BRCA1: variants seen among roughly 807,000 people sequenced by gnomAD.
BRCA1 encodes the protein BRCA1 DNA repair associated.
BRCA1 carries 140 observed loss-of-function variants against 173.7 expected under a neutral mutation model. The observed-to-expected ratio is 0.81, with a 90% confidence interval of 0.70 to 0.93. The LOEUF (loss-of-function observed/expected upper bound fraction) is 0.93. Among genes scored for constraint, BRCA1 ranks in the 40% least tolerant of loss-of-function variants. BRCA1 has a pLI of 0.00. For missense variants in BRCA1, 1,983 were observed against 2,172.5 expected (o/e 0.91, Z 1.73); for synonymous variants, 662 against 756.0 (o/e 0.88, Z 2.04).
intron 1 of BRCA1, chr17:43,148,751 A>G (rs1337235564): frequency 6.0e-6 from 1 of 165,970 alleles, no homozygotes; most frequent in East Asian, 1.9e-4. Flanking sequence ...ATTCTTTTTT[A>G]TCTTCCTCTG....
chr17:43,073,017 G>A (rs1470413086), intron 14 of BRCA1, among the ~76,000 whole-genome samples: 1 of 151,630 alleles, frequency 6.6e-6, no homozygotes, highest in Non-Finnish European at 1.5e-5. Flanking sequence ...GCTGTAATCT[G>A]TCCTTATTTT....
chr17:43,047,266 C>G (rs2050953901), intron 22 of BRCA1, among the ~76,000 whole-genome samples: 1 of 151,934 alleles, frequency 6.6e-6, no homozygotes. Flanking sequence ...CACCCAGCTA[C>G]TTTTTAAATT....
chr17:43,162,689 C>T (rs2056243834), intron 1 of BRCA1: 1 of 152,154 alleles, frequency 6.6e-6, no homozygotes, highest in Non-Finnish European at 1.5e-5. Context: ...CAGTTGAAGT[C>T]CTTACTGTAA....
intron 1 of BRCA1, chr17:43,132,995 A>ATCCCCTGACATCGTG (rs1306610203): frequency 3.3e-5 from 5 of 151,836 alleles, no homozygotes; most frequent in African/African-American, 9.7e-5. Flanking sequence ...GATGGTCTCG[A>ATCCCCTGACATCGTG]TCCCCTGACA....
intron 1 of BRCA1, chr17:43,131,275 AGTATATTATG>A: frequency 2.4e-6 from 1 of 419,376 alleles, no homozygotes; most frequent in Non-Finnish European, 5.0e-6. Context: ...GAAGAGGTAA[AGTATATTATG>A]GTACTTATTG....
At chr17:43,134,502 G>T (rs2154581363) in intron 1 of BRCA1, among the ~76,000 whole-genome samples, 1 of 152,292 alleles carries the variant, frequency 6.6e-6, no homozygotes, top group Admixed American at 6.5e-5. Flanking sequence ...TGGAGGACAG[G>T]GAATGCTTGT....
At chr17:43,091,212 C>T in intron 10 of BRCA1, 180 bp from the exon 11 acceptor site, 1 of 854,270 alleles carries the variant, frequency 1.2e-6, no homozygotes, top group Non-Finnish European at 1.9e-6. Flanking sequence ...AGTAAGTCCA[C>T]CAGTAATTAG....
chr17:43,076,388 C>T, intron 13 of BRCA1, 100 bp downstream of exon 13: 1 of 1,455,620 alleles, frequency 6.9e-7, no homozygotes, highest in Non-Finnish European at 9.5e-7. Context: ...TGCCTGTATG[C>T]AAAAAACTGG....
At chr17:43,143,184 G>A (rs1277096352) in intron 1 of BRCA1, among the ~76,000 whole-genome samples, 1 of 149,516 alleles carries the variant, frequency 6.7e-6, no homozygotes, top group African/African-American at 2.5e-5. Context: ...CAGGTGATCC[G>A]CCTGCCTTGG....
chr17:43,169,450 A>C (rs1160249550), intron 1 of BRCA1, among the ~76,000 whole-genome samples: 1 of 152,150 alleles, frequency 6.6e-6, no homozygotes, highest in Non-Finnish European at 1.5e-5. Flanking sequence ...TACAGGCGTA[A>C]GCCACCATCC....
At chr17:43,095,741 G>A (rs1463940073) in intron 9 of BRCA1, 105 bp downstream of exon 9, 8 of 916,470 alleles carry the variant, frequency 8.7e-6, no homozygotes, top group African/African-American at 3.3e-5. Flanking sequence ...AAGAGATTTT[G>A]TGGGTTGTAA....
At chr17:43,109,068 G>A (rs1031787379) in intron 3 of BRCA1, among the ~76,000 whole-genome samples, 1 of 100,228 alleles carries the variant, frequency 1.0e-5, no homozygotes, top group African/African-American at 3.2e-5. Context: ...CTATCTATCT[G>A]TCTACAGTCT....
At chr17:43,050,419 T>G (rs1390738562) in intron 20 of BRCA1, among the ~76,000 whole-genome samples, 1 of 151,586 alleles carries the variant, frequency 6.6e-6, no homozygotes, top group Non-Finnish European at 1.5e-5. Context: ...CCATATTGGC[T>G]AACACGGTGA....
At position 43,044,743 on chromosome 17, in the gene BRCA1, T is replaced by G. The variant is rs1412552493; in HGVS notation, c.*935A>C. The G allele has an allele frequency of 2.0e-6, 1 of 500,380 alleles. No individual in the cohort carries two copies. The highest frequency in any genetic ancestry group is 3.9e-6 in the Non-Finnish European group (1 of 255,406). 31.0% of individuals were successfully genotyped at this position (500,380 alleles called of 1,614,324 possible). A position where few individuals can be genotyped will look rare whatever the true frequency, so the allele number is the denominator to read the frequency against. On this transcript the variant is annotated 3_prime_UTR_variant, in exon 23 of 23. Transcript: ENST00000357654. Reference sequence around the variant, plus strand: ...AAATCTTCTGCTGTTTTAGAACACATTCTTTAGAAATCTAGCAAATATATC... The same window carrying G: ...AAATCTTCTGCTGTTTTAGAACACAGTCTTTAGAAATCTAGCAAATATATC...
At chr17:43,047,443 C>A (rs775708612) in intron 22 of BRCA1, among the ~76,000 whole-genome samples, 200 bp downstream of exon 22, 2 of 152,048 alleles carry the variant, frequency 1.3e-5, no homozygotes, top group Non-Finnish European at 2.9e-5. Flanking sequence ...CTTACTCCCA[C>A]CCCATGGAAA....
At chr17:43,054,864 T>G (rs1375233995) in intron 19 of BRCA1, among the ~76,000 whole-genome samples, 1 of 151,740 alleles carries the variant, frequency 6.6e-6, no homozygotes, top group East Asian at 1.9e-4. Context: ...AGCCTCAGCC[T>G]CCCGAGTAAT....
intron 19 of BRCA1, among the ~76,000 whole-genome samples, chr17:43,051,532 G>A (rs536511731): frequency 6.6e-6 from 1 of 152,230 alleles, no homozygotes; most frequent in South Asian, 2.1e-4. Flanking sequence ...GTTATTGGCT[G>A]AAGTTTGATG....
rs184374817 is a variant in BRCA1 at position 43,092,887 on chromosome 17, A to T, written c.2644T>A (p.Cys882Ser). ...CCAGAGTGGGCAGAGAATGTTGCAC[A>T]TTCCTCTTCTGCATTTCCTGGATTT... ...FSNPGNAEEE[C>S]ATFSAHSGSL... The change falls in exon 10 of 23, where the codon TGT becomes AGT. Residue 882 changes from cysteine (C) to serine (S), a missense_variant. Physicochemically the swap from Cys to Ser is moderately radical, Grantham distance 112 (BLOSUM62 -1). Coordinates refer to ENST00000357654, the MANE Select transcript of BRCA1 (RefSeq NM_007294.4). 6.2e-7 allele frequency: 1 copy of T among 1,613,928 alleles called. No homozygotes were observed. Among genetic ancestry groups the T allele is most frequent in the Admixed American group, 1.7e-5 (1 of 60,020 alleles).
intron 13 of BRCA1, among the ~76,000 whole-genome samples, chr17:43,074,856 G>A (rs1021195402): frequency 3.9e-5 from 6 of 151,964 alleles, no homozygotes; most frequent in African/African-American, 1.4e-4. Context: ...GGGAGACAGA[G>A]GTTGCAGTGA....
Sources: allele counts gnomAD v4.1 joint callset (sites outside exome capture counted in the v4.1 genomes callset), GRCh38; gene constraint gnomAD v4.1.1; transcripts MANE v1.5; gene names NCBI Gene and HGNC (gene_info 2026-07-23, HGNC 2026-07-21).